KDM5B: variants seen among roughly 807,000 people sequenced by gnomAD.
KDM5B encodes lysine-specific demethylase 5B.
A neutral mutation model predicts 193.4 loss-of-function variants in KDM5B; 144 were observed. The ratio of observed to expected loss-of-function variants is 0.74; its 90% CI spans 0.65 to 0.86. The LOEUF is 0.86. Among genes scored for constraint, KDM5B ranks in the 40% least tolerant of loss-of-function variants. KDM5B has a pLI of 0.00. For synonymous variants in KDM5B, 668 were observed against 682.6 expected, an observed-to-expected ratio of 0.98 and a Z score of 0.33; for missense variants, 1,833 against 1,886.9, an observed-to-expected ratio of 0.97 and a Z score of 0.53.
chr1:202,745,933 G>A lies in KDM5B; in HGVS notation c.2248C>T (p.Leu750Phe). 6.2e-7 allele frequency: 1 copy of A among 1,613,676 alleles called. No homozygotes were observed. The highest frequency in any genetic ancestry group is 8.5e-7 in the Non-Finnish European group (1 of 1,179,614). ...DLYPMMNALK[L>F]RAESYNEWAL... Reference sequence around the variant, plus strand: ...CATTCGTTGTAAGATTCTGCTCGAAGCTTCAATGCATTCATCATAGGGTAG... The same window carrying A: ...CATTCGTTGTAAGATTCTGCTCGAAACTTCAATGCATTCATCATAGGGTAG... The change falls in exon 16 of 27, where the codon CTT (leucine) becomes TTT (phenylalanine). Residue 750 changes from leucine to phenylalanine, a missense_variant. Leu to Phe is a conservative substitution (Grantham distance 22). Transcript: ENST00000367265.
chr1:202,797,395 C>T (rs150798448), intron 1 of KDM5B, among the ~76,000 whole-genome samples: 9 of 152,236 alleles, frequency 5.9e-5, no homozygotes, highest in Non-Finnish European at 1.3e-4. Flanking sequence ...GCTGGGCCTG[C>T]CCCAAGGAGT....
In KDM5B at chr1:202,742,422, G is replaced by A. The variant is rs1280245005; in HGVS notation, c.2558C>T (p.Pro853Leu). The change falls in exon 18 of 27, where the codon CCA (proline) becomes CTA (leucine). Residue 853 changes from proline (P) to leucine (L), a missense_variant. Pro to Leu is a moderately conservative substitution (Grantham distance 98). Around this residue, in one of 3 missense-constraint regions of KDM5B, gnomAD observed 1,379 missense variants for 1,349.6 expected, o/e 1.02. Transcript: ENST00000367265. ...TAATGGTGTCTGACTGAGGACACAT[G>A]GAAGAGCATACAGCTGTGTTACAAA... Reference protein sequence around the residue: ...RQFVTQLYALPCVLSQTPLLK... With the variant: ...RQFVTQLYALLCVLSQTPLLK... 6.2e-7 allele frequency: 1 copy of A among 1,613,992 alleles called. No homozygotes were observed. The highest frequency in any genetic ancestry group is 1.7e-5 in the Admixed American group (1 of 60,020).
At chr1:202,772,958 A>T (rs1296096150) in intron 4 of KDM5B, among the ~76,000 whole-genome samples, 160 bp downstream of exon 4, 1 of 152,140 alleles carries the variant, frequency 6.6e-6, no homozygotes, top group East Asian at 1.9e-4. Context: ...TGGCCTCCCA[A>T]AGTGTTGGGA....
At chr1:202,789,239 C>A (rs1657535547) in intron 1 of KDM5B, among the ~76,000 whole-genome samples, 3 of 152,052 alleles carry the variant, frequency 2.0e-5, no homozygotes, top group Non-Finnish European at 4.4e-5. Flanking sequence ...AAAGAAGGGC[C>A]GGGCACAGTG....
At chr1:202,807,570 C>A (rs1217366300) in intron 1 of KDM5B, among the ~76,000 whole-genome samples, 1 of 152,044 alleles carries the variant, frequency 6.6e-6, no homozygotes. Context: ...GCCGACGCCG[C>A]CACCACACAA....
At chr1:202,750,158 T>C (rs1178592388) in intron 13 of KDM5B, among the ~76,000 whole-genome samples, 1 of 152,252 alleles carries the variant, frequency 6.6e-6, no homozygotes, top group Non-Finnish European at 1.5e-5. Context: ...CTAAGCAGTA[T>C]GCTTAGGTAA....
chr1:202,779,140 A>G (rs576360161), intron 1 of KDM5B, among the ~76,000 whole-genome samples: 1 of 152,266 alleles, frequency 6.6e-6, no homozygotes, highest in African/African-American at 2.4e-5. Flanking sequence ...ATTAAATAAT[A>G]AATGTATTAT....
chr1:202,761,322 G>GT (rs1656242049), intron 7 of KDM5B, among the ~76,000 whole-genome samples: 1 of 152,094 alleles, frequency 6.6e-6, no homozygotes, highest in Non-Finnish European at 1.5e-5. Flanking sequence ...GTGCACACCT[G>GT]TGGTCCCAGC....
At chr1:202,751,737 A>G (rs2102253759) in intron 12 of KDM5B, among the ~76,000 whole-genome samples, 1 of 152,340 alleles carries the variant, frequency 6.6e-6, no homozygotes, top group East Asian at 1.9e-4. Flanking sequence ...ACTTCAGATA[A>G]TGAATCCCTA....
intron 14 of KDM5B, 85 bp downstream of exon 14, chr1:202,748,860 C>A: frequency 9.2e-7 from 1 of 1,091,022 alleles, no homozygotes; most frequent in South Asian, 1.6e-5. Context: ...TTTAAAAAGA[C>A]TGCTTAAAAT....
At chr1:202,763,788 T>C (rs1030644581) in intron 6 of KDM5B, among the ~76,000 whole-genome samples, 7 of 152,172 alleles carry the variant, frequency 4.6e-5, no homozygotes, top group African/African-American at 1.7e-4. Flanking sequence ...TTGCTACAGC[T>C]GAGAAACTCA....
At position 202,783,839 on chromosome 1, in the gene KDM5B, C is replaced by T. The variant is rs142180254; in HGVS notation, c.205-6745G>A. Among the ~76,000 whole-genome samples, 779 of 152,198 alleles carry T rather than the reference C, an allele frequency of 5.1e-3. 9 individuals carry two copies. The highest frequency in any genetic ancestry group is 0.018 in the African/African-American group (745 of 41,534). ...GAGCTTGCAGTGAGCCAAGATCACA[C>T]CACTGCACTCCAGACTGGGGACAGA... On this transcript the variant is annotated intron_variant, in intron 1 of 26. Transcript: ENST00000367265.
intron 19 of KDM5B, 129 bp from the exon 20 acceptor site, chr1:202,740,941 A>G (rs1655312749): frequency 4.6e-6 from 4 of 878,992 alleles, no homozygotes; most frequent in South Asian, 3.6e-5. Context: ...GACATTGTCT[A>G]TTCCTGTTGA....
chr1:202,808,407 A>G lies in KDM5B; in HGVS notation c.-102T>C. ...GTGCAGACGCGGCTCGAGCAACAGCAAGTCCGAGTTGTACGGGCAACGGCA... is the reference window on the plus strand; with the variant it reads ...GTGCAGACGCGGCTCGAGCAACAGCGAGTCCGAGTTGTACGGGCAACGGCA... On this transcript the variant is annotated 5_prime_UTR_variant, in exon 1 of 27. Coordinates refer to ENST00000367265, the MANE Select transcript of KDM5B (RefSeq NM_006618.5). 9.1e-7 allele frequency: 1 copy of G among 1,101,544 alleles called. No homozygotes were observed. The highest frequency in any genetic ancestry group is 1.3e-6 in the Non-Finnish European group (1 of 792,482). The allele number at this position is 1,101,544 out of a possible 1,614,324, so 68.2% of individuals were successfully genotyped here.
At chr1:202,753,666 T>G (rs2102258449) in intron 11 of KDM5B, among the ~76,000 whole-genome samples, 1 of 106,936 alleles carries the variant, frequency 9.4e-6, no homozygotes, top group African/African-American at 2.9e-5. Context: ...TTGTTGTTGT[T>G]TTTTTTTTGT....
chr1:202,788,417 C>T (rs1234148243), intron 1 of KDM5B, among the ~76,000 whole-genome samples: 1 of 152,154 alleles, frequency 6.6e-6, no homozygotes, highest in Non-Finnish European at 1.5e-5. Context: ...GAATGCAAAG[C>T]ACTGTTTCTA....
At chr1:202,729,287 A>C in intron 26 of KDM5B, 114 bp from the exon 27 acceptor site, 1 of 1,133,820 alleles carries the variant, frequency 8.8e-7, no homozygotes, top group Non-Finnish European at 1.3e-6. Context: ...CTGTCCCACC[A>C]CTGGGACCTC....
At chr1:202,800,166 C>T (rs909485833) in intron 1 of KDM5B, among the ~76,000 whole-genome samples, 6 of 151,992 alleles carry the variant, frequency 3.9e-5, no homozygotes, top group African/African-American at 1.5e-4. Context: ...GCCTCAGCCT[C>T]CCGAGTAGCT....
intron 1 of KDM5B, among the ~76,000 whole-genome samples, chr1:202,783,119 G>A (rs979130535): frequency 6.6e-6 from 1 of 152,168 alleles, no homozygotes; most frequent in Non-Finnish European, 1.5e-5. Flanking sequence ...GGTGGCGCAT[G>A]CCTGATAAAA....
Sources: gnomAD v4.1 joint callset for allele counts (sites outside exome capture counted in the v4.1 genomes callset) on GRCh38, gnomAD v4.1.1 for gene constraint, gnomAD v4.1.1 regional missense constraint, MANE v1.5 for transcripts, NCBI Gene and HGNC (gene_info 2026-07-23, HGNC 2026-07-21) for gene names.